Variants in PPP2R5C observed in about 807,000 individuals in gnomAD.
PPP2R5C encodes the protein protein phosphatase 2 regulatory subunit B'gamma, also known as serine/threonine-protein phosphatase 2A 56 kDa regulatory subunit gamma isoform.
Under a neutral mutation model 68.9 loss-of-function variants are expected in PPP2R5C, and 7 were observed. The ratio of observed to expected loss-of-function variants is 0.10; its 90% CI spans 0.06 to 0.19. The LOEUF is 0.19. Ranked by LOEUF, PPP2R5C falls within the 10% of genes least tolerant of loss-of-function variation. The probability of loss-of-function intolerance (pLI) is 1.00; values close to 1 mark genes in which losing one functional copy is unlikely to be tolerated. For missense variants in PPP2R5C, 348 were observed against 641.3 expected (o/e 0.54, Z 4.94); for synonymous variants, 210 against 222.2 (o/e 0.95, Z 0.49).
At chr14:101,760,912 G>A (rs1408718984), upstream of PPP2R5C, among the ~76,000 whole-genome samples, 7 of 97,266 alleles carry the variant, frequency 7.2e-5, no homozygotes, top group African/African-American at 3.0e-4. Flanking sequence ...GGGAAGGGCT[G>A]GCCGAGGGGA....
chr14:101,763,260 C>T (rs1466442864), intron 2 of PPP2R5C, among the ~76,000 whole-genome samples: 3 of 151,936 alleles, frequency 2.0e-5, no homozygotes, highest in Admixed American at 6.6e-5. Flanking sequence ...CACTTTGTCA[C>T]GCAGGCTGGA....
At chr14:101,824,197 A>G (rs1204390386) in intron 1 of PPP2R5C, 2 of 1,233,534 alleles carry the variant, frequency 1.6e-6, no homozygotes, top group African/African-American at 3.1e-5. Flanking sequence ...ATTGGTAAAG[A>G]TTCTTAATGA....
chr14:101,853,223 C>A (rs1595378986), intron 1 of PPP2R5C, among the ~76,000 whole-genome samples: 1 of 151,074 alleles, frequency 6.6e-6, no homozygotes, highest in Non-Finnish European at 1.5e-5. Flanking sequence ...TTACCCAATT[C>A]ATTGTTACAG....
At chr14:101,907,091 A>C (rs2046072036) in intron 10 of PPP2R5C, among the ~76,000 whole-genome samples, 1 of 152,240 alleles carries the variant, frequency 6.6e-6, no homozygotes, top group Non-Finnish European at 1.5e-5. Flanking sequence ...TTTACTGAGC[A>C]ATAGTCTTCT....
Position 101,765,196 on chromosome 14 carries a change from A to T in PPP2R5C, c.93+2226A>T, listed in dbSNP as rs900528598. On this transcript the variant is annotated intron_variant, in intron 2 of 14. Coordinates refer to the PPP2R5C transcript ENST00000328724. ...TGGAGCTACAGAGCTTGAAATTACCACTGAAAACACTGAAATGTTGGGCCC... is the reference window on the plus strand; with the variant it reads ...TGGAGCTACAGAGCTTGAAATTACCTCTGAAAACACTGAAATGTTGGGCCC... The T allele has an allele frequency of 2.6e-5, 18 of 702,652 alleles. No homozygotes were observed. In the Admixed American group the frequency reaches 3.4e-4, roughly 13 times the overall value. 43.5% of individuals were successfully genotyped at this position (702,652 alleles called of 1,614,324 possible).
At chr14:101,811,216 T>G (rs933974263) in intron 1 of PPP2R5C, among the ~76,000 whole-genome samples, 1 of 152,218 alleles carries the variant, frequency 6.6e-6, no homozygotes, top group Admixed American at 6.5e-5. Context: ...GGCTGTGAAT[T>G]TATTGTTTTT....
intron 13 of PPP2R5C, among the ~76,000 whole-genome samples, chr14:101,919,323 G>A (rs2046882032): frequency 6.6e-6 from 1 of 152,166 alleles, no homozygotes; most frequent in African/African-American, 2.4e-5. Flanking sequence ...CTGAAGACTT[G>A]GAATATCAGT....
chr14:101,817,624 A>G (rs2039801405), intron 1 of PPP2R5C, among the ~76,000 whole-genome samples: 1 of 152,192 alleles, frequency 6.6e-6, no homozygotes, highest in Non-Finnish European at 1.5e-5. Context: ...CCGCACTTTA[A>G]GAGGCAGGGT....
chr14:101,847,384 G>A (rs1465447927), intron 1 of PPP2R5C, among the ~76,000 whole-genome samples: 1 of 152,120 alleles, frequency 6.6e-6, no homozygotes, highest in East Asian at 1.9e-4. Flanking sequence ...ACAAGTGAGT[G>A]CCTCTAGACA....
intron 8 of PPP2R5C, among the ~76,000 whole-genome samples, chr14:101,897,622 C>G (rs931500512): frequency 6.6e-6 from 1 of 151,896 alleles, no homozygotes; most frequent in Non-Finnish European, 1.5e-5. Context: ...TATATTCTGG[C>G]CTCTCTGGCA....
intron 11 of PPP2R5C, 86 bp downstream of exon 13, chr14:101,909,776 G>A (rs1360070306): frequency 6.3e-6 from 6 of 955,660 alleles, no homozygotes; most frequent in African/African-American, 3.3e-5. Flanking sequence ...GTCCTAAAAC[G>A]GTATTCTTCA....
At chr14:101,820,769 A>G (rs911839755) in intron 1 of PPP2R5C, 1 of 152,202 alleles carries the variant, frequency 6.6e-6, no homozygotes, top group Admixed American at 6.5e-5. Flanking sequence ...AATGTACAAC[A>G]TGGCCATTTT....
intron 11 of PPP2R5C, 68 bp downstream of exon 13, chr14:101,909,758 A>T: frequency 2.5e-6 from 3 of 1,199,578 alleles, no homozygotes; most frequent in Non-Finnish European, 3.6e-6. Context: ...AACCTCTTCC[A>T]CTGTTTTGTC....
chr14:101,818,727 G>A, intron 1 of PPP2R5C: 1 of 290,098 alleles, frequency 3.4e-6, no homozygotes, highest in Non-Finnish European at 6.5e-6. Flanking sequence ...AAATGCAGAT[G>A]TTGCTTTAAT....
At chr14:101,820,224 C>T (rs1397148900) in intron 1 of PPP2R5C, 1 of 152,078 alleles carries the variant, frequency 6.6e-6, no homozygotes, top group African/African-American at 2.4e-5. Context: ...CTGTTTTTGG[C>T]CCATGGTAAA....
rs1417786675 is a variant in PPP2R5C at position 101,797,286 on chromosome 14, C to T, written c.259+11103C>T. The T allele has an allele frequency of 4.4e-6, 2 of 456,082 alleles. No individual in the cohort carries two copies. The highest frequency in any genetic ancestry group is 1.5e-5 in the South Asian group (1 of 64,566). 28.3% of individuals were successfully genotyped at this position (456,082 alleles called of 1,614,324 possible). A position where few individuals can be genotyped will look rare whatever the true frequency, so the allele number is the denominator to read the frequency against. On this transcript the variant is annotated intron_variant, in intron 3 of 14. Coordinates refer to the PPP2R5C transcript ENST00000328724. The surrounding 1 kb of genome is among the most constrained non-coding windows in gnomAD (Gnocchi z 4.2). ...ATGCCATCCTTCAGTGATGTGTGGACGGACACATTCCGCGTATCCCCCAAT... is the reference window on the plus strand; with the variant it reads ...ATGCCATCCTTCAGTGATGTGTGGATGGACACATTCCGCGTATCCCCCAAT...
intron 2 of PPP2R5C, among the ~76,000 whole-genome samples, chr14:101,865,656 G>A (rs890131749): frequency 1.3e-5 from 2 of 152,298 alleles, no homozygotes; most frequent in East Asian, 3.9e-4. Context: ...GCTTGGTTCT[G>A]TCTGCTGCAG....
intron 1 of PPP2R5C, among the ~76,000 whole-genome samples, chr14:101,837,853 G>A (rs1049329640): frequency 3.9e-5 from 6 of 152,196 alleles, no homozygotes; most frequent in South Asian, 4.1e-4. Flanking sequence ...GTCCTCATCC[G>A]CATTTCACAG....
chr14:101,774,673 G>T (rs2037326709), intron 2 of PPP2R5C, among the ~76,000 whole-genome samples: 1 of 152,174 alleles, frequency 6.6e-6, no homozygotes, highest in African/African-American at 2.4e-5. Flanking sequence ...ATTACTGGAG[G>T]TCGTAACTTG....
Sources: gnomAD v4.1 joint callset for allele counts (sites outside exome capture counted in the v4.1 genomes callset) on GRCh38, gnomAD v4.1.1 for gene constraint, Gnocchi (gnomAD v3.1) non-coding constraint, MANE v1.5 for transcripts, NCBI Gene and HGNC (gene_info 2026-07-23, HGNC 2026-07-21) for gene names.